ZNF787: variants seen among roughly 807,000 people sequenced by gnomAD.
The protein encoded by ZNF787 is zinc finger protein 787.
Under a neutral mutation model 16.9 loss-of-function variants are expected in ZNF787, and 7 were observed. The observed-to-expected ratio is 0.42, with a 90% CI of 0.24 to 0.78. ZNF787 has a LOEUF of 0.78. Among genes scored for constraint, ZNF787 ranks in the 30% least tolerant of loss-of-function variants. ZNF787 has a pLI of 0.30. For missense variants in ZNF787, 551 were observed against 589.3 expected, an observed-to-expected ratio of 0.94 and a Z score of 0.67; for synonymous variants, 345 against 270.9, an observed-to-expected ratio of 1.27 and a Z score of -2.69.
chr19:56,095,931 T>C (rs1366085349), intron 2 of ZNF787, among the ~76,000 whole-genome samples: 2 of 152,188 alleles, frequency 1.3e-5, no homozygotes, highest in Admixed American at 1.3e-4. Context: ...CGGTGGTTTA[T>C]CCTCATCCAG....
In ZNF787 at chr19:56,087,894, G is replaced by GCGGGGAGC. The variant is rs879732906; in HGVS notation, c.*121_*128dup. 4.7e-5 allele frequency: 59 copies of GCGGGGAGC among 1,267,104 alleles called. No individual in the cohort carries two copies. Among genetic ancestry groups the GCGGGGAGC allele is most frequent in the Non-Finnish European group, 5.6e-5 (56 of 1,004,298 alleles). 78.5% of individuals were successfully genotyped at this position (1,267,104 alleles called of 1,614,324 possible). ...ACGGACGGCGCAGGGACAGAGGAGG[G>GCGGGGAGC]CGGGGAGCCGGGGATGCCGCGGGGT... On this transcript the variant is annotated 3_prime_UTR_variant, in exon 3 of 3. Transcript: ENST00000610935.
chr19:56,113,144 A>G (rs1045815565), intron 1 of ZNF787, among the ~76,000 whole-genome samples: 5 of 152,166 alleles, frequency 3.3e-5, no homozygotes, highest in Admixed American at 1.3e-4. Flanking sequence ...TCTGATAGGC[A>G]CATGCAAGGA....
In ZNF787 at chr19:56,087,374, G is replaced by C. The variant is rs1002986906; in HGVS notation, c.*649C>G. On this transcript the variant is annotated 3_prime_UTR_variant, in exon 3 of 3. Coordinates refer to ENST00000610935, the MANE Select transcript of ZNF787 (RefSeq NM_001002836.4). The stretch of plus-strand genomic sequence containing the variant: ...AGAACCACGCAGAGGGGGACATTTG[G>C]ATAGTGCCGTTTATTGTTCCAGCAC... 10 of 151,880 alleles carry C rather than the reference G, an allele frequency of 6.6e-5. No homozygotes were observed. Among genetic ancestry groups the C allele is most frequent in the Admixed American group, 2.0e-4 (3 of 15,276 alleles). 9.4% of individuals were successfully genotyped at this position (151,880 alleles called of 1,614,324 possible). A position where few individuals can be genotyped will look rare whatever the true frequency, so the allele number is the denominator to read the frequency against.
chr19:56,100,667 G>A (rs974442578), intron 2 of ZNF787, among the ~76,000 whole-genome samples: 2 of 143,218 alleles, frequency 1.4e-5, no homozygotes, highest in African/African-American at 5.3e-5. Flanking sequence ...TACGATGTCT[G>A]TCACTGTCAC....
chr19:56,089,452 C>A (rs1281658745), intron 2 of ZNF787, among the ~76,000 whole-genome samples: 1 of 152,128 alleles, frequency 6.6e-6, no homozygotes, highest in Non-Finnish European at 1.5e-5. Flanking sequence ...AGCCTGGACG[C>A]CGGGGGCAGA....
At chr19:56,091,111 T>A (rs1450251023) in intron 2 of ZNF787, among the ~76,000 whole-genome samples, 1 of 152,184 alleles carries the variant, frequency 6.6e-6, no homozygotes, top group Non-Finnish European at 1.5e-5. Flanking sequence ...AGCACATTAC[T>A]TAAAGATGTA....
At chr19:56,094,470 C>T (rs1057211157) in intron 2 of ZNF787, among the ~76,000 whole-genome samples, 40 of 143,990 alleles carry the variant, frequency 2.8e-4, no homozygotes, top group East Asian at 6.2e-4. Flanking sequence ...CACCACGCCC[C>T]GCCTTTTTTT....
chr19:56,108,800 G>A (rs184909407), intron 1 of ZNF787, among the ~76,000 whole-genome samples: 27 of 152,070 alleles, frequency 1.8e-4, no homozygotes, highest in African/African-American at 6.0e-4. Context: ...ACCTCCCCTC[G>A]GACAGACCCC....
Position 56,110,548 on chromosome 19 carries a change from G to A in ZNF787, c.-10-7321C>T, listed in dbSNP as rs375067835. Among the ~76,000 whole-genome samples the A allele has an allele frequency of 7.9e-5, 12 of 152,082 alleles. No homozygotes were observed. In the East Asian group the frequency reaches 2.3e-3, roughly 29 times the overall value. On this transcript the variant is annotated intron_variant, in intron 1 of 2. Transcript: ENST00000610935. ...AAAAAAAAAAGCACAGGAAAAAAAG[G>A]GAAGAGAGCAGTTTGCAACTTGGGG...
intron 2 of ZNF787, among the ~76,000 whole-genome samples, chr19:56,098,046 C>T (rs1439294842): frequency 1.3e-5 from 2 of 152,098 alleles, no homozygotes; most frequent in Non-Finnish European, 2.9e-5. Context: ...CGACCCAGGT[C>T]TCCAGGGACA....
chr19:56,094,981 G>A (rs1183422208), intron 2 of ZNF787, among the ~76,000 whole-genome samples: 1 of 152,202 alleles, frequency 6.6e-6, no homozygotes, highest in Non-Finnish European at 1.5e-5. Flanking sequence ...GAGTGTGGTG[G>A]TGTGTGCCCG....
rs1038113535 is a variant in ZNF787, at chr19:56,089,069, C to T, written c.103G>A (p.Asp35Asn). The T allele has an allele frequency of 2.0e-6, 3 of 1,468,082 alleles. No homozygotes were observed. The highest frequency in any genetic ancestry group is 2.9e-5 in the African/African-American group (2 of 68,846). 90.9% of individuals were successfully genotyped at this position (1,468,082 alleles called of 1,614,324 possible). A position where few individuals can be genotyped will look rare whatever the true frequency, so the allele number is the denominator to read the frequency against. ...NPVDILIMDD[D>N]DVPSWPPTKL... ...GTGGGAGGCCAGCTGGGGACGTCGT[C>T]ATCATCCATGATGAGGATGTCCACT... is the stretch of plus-strand genomic sequence containing the variant. The change falls in exon 3 of 3, where the codon GAC (aspartate) becomes AAC (asparagine). Residue 35 changes from aspartate (D) to asparagine (N), a missense_variant. This residue lies in a region of ZNF787 where 80 missense variants were observed against 105.9 expected (regional missense o/e 0.76). Coordinates refer to ENST00000610935, the MANE Select transcript of ZNF787 (RefSeq NM_001002836.4).
intron 2 of ZNF787, among the ~76,000 whole-genome samples, chr19:56,098,077 T>C (rs549929370): frequency 6.6e-6 from 1 of 151,658 alleles, no homozygotes; most frequent in African/African-American, 2.4e-5. Context: ...GCCATGGGCC[T>C]GGGTGAAGGA....
In ZNF787 at chr19:56,088,063, C is replaced by T. The variant is rs1174903192; in HGVS notation, c.1109G>A (p.Gly370Asp). The T allele has an allele frequency of 7.6e-6, 11 of 1,449,320 alleles. No homozygotes were observed. Among genetic ancestry groups the T allele is most frequent in the Non-Finnish European group, 9.9e-6 (11 of 1,108,304 alleles). 89.8% of individuals were successfully genotyped at this position (1,449,320 alleles called of 1,614,324 possible). The change falls in exon 3 of 3, where the codon GGC becomes GAC. Residue 370 changes from glycine to aspartate, a missense_variant. Gly to Asp is a moderately conservative substitution (Grantham distance 94). Coordinates refer to ENST00000610935, the MANE Select transcript of ZNF787 (RefSeq NM_001002836.4). This position sits in a 1 kb window ranked among gnomAD's most constrained non-coding sequence, Gnocchi z 8.6. ...EEEDDDDEAA[G>D]GRCPECRGGE... ...ACCGCGGCACTCGGGGCACCGCCCGCCCGCGGCCTCGTCGTCGTCGTCCTC... is the reference window on the plus strand; with the variant it reads ...ACCGCGGCACTCGGGGCACCGCCCGTCCGCGGCCTCGTCGTCGTCGTCCTC...
intron 1 of ZNF787, among the ~76,000 whole-genome samples, chr19:56,109,785 G>A (rs1471230727): frequency 1.3e-5 from 2 of 152,180 alleles, no homozygotes; most frequent in African/African-American, 4.8e-5. Context: ...TCGGGAGGCT[G>A]AGGCAGGAGA....
chr19:56,107,563 G>C (rs1422339112), intron 1 of ZNF787, among the ~76,000 whole-genome samples: 1 of 152,048 alleles, frequency 6.6e-6, no homozygotes, highest in African/African-American at 2.4e-5. Context: ...GGGTCACAGG[G>C]AGGGACAAGG....
At chr19:56,091,880 G>A (rs1985588961) in intron 2 of ZNF787, among the ~76,000 whole-genome samples, 1 of 152,180 alleles carries the variant, frequency 6.6e-6, no homozygotes, top group African/African-American at 2.4e-5. Flanking sequence ...CATGGGCCAA[G>A]ATGAGCCGCT....
chr19:56,117,085 G>C (rs1039482755), intron 1 of ZNF787, among the ~76,000 whole-genome samples: 1 of 152,170 alleles, frequency 6.6e-6, no homozygotes, highest in Non-Finnish European at 1.5e-5. Context: ...ACATGACCTG[G>C]GCAAGGTGCT....
intron 1 of ZNF787, among the ~76,000 whole-genome samples, chr19:56,108,040 A>G (rs1181570239): frequency 1.3e-5 from 2 of 152,064 alleles, no homozygotes; most frequent in Non-Finnish European, 2.9e-5. Flanking sequence ...TGAGGCCGGC[A>G]GGGCGAGACC....
Sources: gnomAD v4.1 joint callset for allele counts (sites outside exome capture counted in the v4.1 genomes callset) on GRCh38, gnomAD v4.1.1 for gene constraint, gnomAD v4.1.1 regional missense constraint, Gnocchi (gnomAD v3.1) non-coding constraint, MANE v1.5 for transcripts, NCBI Gene and HGNC (gene_info 2026-07-23, HGNC 2026-07-21) for gene names.